The following MIER1 variants were observed in gnomAD, a reference collection of about 807,000 sequenced individuals.
MIER1 encodes the protein mesoderm induction early response protein 1.
In MIER1, 40 loss-of-function variants were observed where a neutral mutation model predicts 75.7. The ratio of observed to expected loss-of-function variants is 0.53; its 90% CI spans 0.41 to 0.69. MIER1 has a LOEUF of 0.69. Among genes scored for constraint, MIER1 ranks in the 30% least tolerant of loss-of-function variants. The pLI, the probability that MIER1 is intolerant of heterozygous loss-of-function variation, is 0.00. For missense variants in MIER1, 574 were observed against 680.2 expected (o/e 0.84, Z 1.74); for synonymous variants, 213 against 223.4 (o/e 0.95, Z 0.42).
Position 66,984,678 on chromosome 1 carries a change from A to C in MIER1, c.1476A>C (p.Ala492=), listed in dbSNP as rs1035925623. ...PTGGNKKPLH[A]DMDTNGYETD... is the part of the protein sequence containing the mutation. ...GTGGAAATAAGAAACCACTTCATGCAGATATGGATACTAATGGTTATGAAA... is the reference window on the plus strand; with the variant it reads ...GTGGAAATAAGAAACCACTTCATGCCGATATGGATACTAATGGTTATGAAA... Residue 492 remains alanine (A), a synonymous_variant, in exon 14 of 14, where the codon GCA becomes GCC. Transcript: ENST00000401041. 1.2e-6 allele frequency: 2 copies of C among 1,614,018 alleles called. No individual in the cohort carries two copies. Among genetic ancestry groups the C allele is most frequent in the Admixed American group, 3.3e-5 (2 of 60,022 alleles).
chr1:66,955,640 A>G (rs934305323), intron 4 of MIER1, among the ~76,000 whole-genome samples: 7 of 152,188 alleles, frequency 4.6e-5, no homozygotes, highest in Admixed American at 3.9e-4. Context: ...AGTTATAAAA[A>G]TTAAAGGTAG....
rs988251916 is a variant in MIER1, at chr1:66,925,112, C to T, written c.67+17C>T. On this transcript the variant is annotated intron_variant, in intron 1 of 13. Transcript: ENST00000401041. ...GCAGCGGCTGTAAGTGCAGCCTCCA[C>T]AAGCCATCTCTCCCCTTCTATTCCA... 1.9e-6 allele frequency: 3 copies of T among 1,545,666 alleles called. No individual in the cohort carries two copies. Among genetic ancestry groups the T allele is most frequent in the Non-Finnish European group, 2.6e-6 (3 of 1,145,406 alleles).
chr1:66,953,561 C>T (rs920638006), intron 4 of MIER1, among the ~76,000 whole-genome samples: 6 of 150,024 alleles, frequency 4.0e-5, no homozygotes, highest in African/African-American at 1.5e-4. Flanking sequence ...GCTTGAGTTA[C>T]AAGTTTAATA....
At chr1:66,931,330 A>T (rs1653309170) in intron 2 of MIER1, among the ~76,000 whole-genome samples, 1 of 152,080 alleles carries the variant, frequency 6.6e-6, no homozygotes, top group African/African-American at 2.4e-5. Context: ...GTTTTGTGGG[A>T]TTTGTTTTGT....
intron 4 of MIER1, chr1:66,946,534 A>G: frequency 8.5e-7 from 1 of 1,176,040 alleles, no homozygotes; most frequent in East Asian, 4.4e-5. Flanking sequence ...TAGACTGTTA[A>G]ATGATTCTGC....
intron 10 of MIER1, among the ~76,000 whole-genome samples, chr1:66,972,261 T>C (rs928248872): frequency 1.9e-5 from 1 of 53,634 alleles, no homozygotes; most frequent in Non-Finnish European, 4.0e-5. Context: ...TATATATATA[T>C]AGATATGTAA....
intron 4 of MIER1, among the ~76,000 whole-genome samples, chr1:66,957,787 A>G (rs1462067623): frequency 6.6e-6 from 1 of 152,160 alleles, no homozygotes; most frequent in Non-Finnish European, 1.5e-5. Context: ...TGCAAAAAGA[A>G]TAGTCCATGT....
At chr1:66,932,353 C>T (rs1022170568) in intron 2 of MIER1, among the ~76,000 whole-genome samples, 2 of 152,070 alleles carry the variant, frequency 1.3e-5, no homozygotes, top group Admixed American at 1.3e-4. Flanking sequence ...ATTTAATGAC[C>T]TGGTATCTTT....
At chr1:66,949,934 AAACT>A (rs917334684) in intron 4 of MIER1, among the ~76,000 whole-genome samples, 2 of 57,504 alleles carry the variant, frequency 3.5e-5, no homozygotes, top group Non-Finnish European at 6.6e-5. Flanking sequence ...TTTTCAGTGA[AAACT>A]AACTCGAAAG....
chr1:66,940,270 C>CTTTTTTT (rs35904130), intron 3 of MIER1: 6 of 131,430 alleles, frequency 4.6e-5, no homozygotes, highest in Admixed American at 1.2e-4. Context: ...TTTGGGTTTT[C>CTTTTTTT]TTTTTTTTTT....
At chr1:66,930,451 C>T in intron 2 of MIER1, 1 of 1,593,016 alleles carries the variant, frequency 6.3e-7, no homozygotes, top group Non-Finnish European at 8.5e-7. Context: ...GCCCCCGGCC[C>T]TGGGCCGGGG....
chr1:66,977,765 C>T (rs1412357500), intron 12 of MIER1, among the ~76,000 whole-genome samples: 1 of 151,952 alleles, frequency 6.6e-6, no homozygotes, highest in African/African-American at 2.4e-5. Context: ...ATTAACTTTA[C>T]AGTGCTATCC....
intron 7 of MIER1, 68 bp downstream of exon 7, chr1:66,959,811 A>ATT (rs35465377): frequency 0.017 from 8,492 of 489,390 alleles, 2 homozygotes; most frequent in East Asian, 0.037. Flanking sequence ...TCGTGTAATT[A>ATT]TTTTTTTTTT....
intron 7 of MIER1, among the ~76,000 whole-genome samples, chr1:66,962,131 T>C (rs1344553074): frequency 6.6e-6 from 1 of 152,208 alleles, no homozygotes; most frequent in Non-Finnish European, 1.5e-5. Flanking sequence ...GTAATCTTGG[T>C]CTCCTTGCAT....
In MIER1 at chr1:66,953,631, TCTCA is replaced by T. The variant is rs558042170; in HGVS notation, c.340-4424_340-4421del. Among the ~76,000 whole-genome samples, 250 of 150,110 alleles carry T rather than the reference TCTCA, an allele frequency of 1.7e-3. 2 individuals carry two copies. Among genetic ancestry groups the T allele is most frequent in the African/African-American group, 5.8e-3 (237 of 40,584 alleles). ...TTTTTTTAATATTCTTGAGACAGGG[TCTCA>T]CTCTGTTGCCCAGGCTGGAGTGCAG... On this transcript the variant is annotated intron_variant, in intron 4 of 13. Coordinates refer to ENST00000401041, the MANE Select transcript of MIER1 (RefSeq NM_001077700.3).
intron 12 of MIER1, 78 bp downstream of exon 12, chr1:66,976,800 T>C: frequency 8.0e-7 from 1 of 1,253,732 alleles, no homozygotes; most frequent in Middle Eastern, 2.4e-4. Flanking sequence ...TTAATTATTA[T>C]TTTGATAATC....
At chr1:66,952,407 C>T (rs1274062303) in intron 4 of MIER1, among the ~76,000 whole-genome samples, 2 of 152,014 alleles carry the variant, frequency 1.3e-5, no homozygotes, top group Non-Finnish European at 1.5e-5. Flanking sequence ...AGGGAAATAA[C>T]GGAATATTTG....
chr1:66,935,170 T>C (rs570389377), intron 2 of MIER1, among the ~76,000 whole-genome samples: 1 of 152,308 alleles, frequency 6.6e-6, no homozygotes, highest in South Asian at 2.1e-4. Context: ...ATTTCTTTAC[T>C]CTCTCTCAAA....
chr1:66,931,821 G>A (rs150931898), intron 2 of MIER1, among the ~76,000 whole-genome samples: 2 of 152,184 alleles, frequency 1.3e-5, no homozygotes, highest in East Asian at 1.9e-4. Context: ...TTAAGGAGTT[G>A]TGTGTAGCTG....
Sources: gnomAD v4.1 joint callset for allele counts (sites outside exome capture counted in the v4.1 genomes callset) on GRCh38, gnomAD v4.1.1 for gene constraint, MANE v1.5 for transcripts, NCBI Gene and HGNC (gene_info 2026-07-23, HGNC 2026-07-21) for gene names.